The following KRT82 variants were observed in gnomAD, a reference collection of about 807,000 sequenced individuals.
KRT82 encodes keratin 82.
Under a neutral mutation model 48.0 loss-of-function variants are expected in KRT82, and 44 were observed. That is an observed-to-expected ratio of 0.92 (90% CI 0.72 to 1.18). The LOEUF (loss-of-function observed/expected upper bound fraction) is 1.18, where lower values mean the gene tolerates loss of function less well. KRT82 is among the 50% of genes most tolerant of loss of function. The probability of loss-of-function intolerance (pLI) is 0.00; values close to 1 mark genes in which losing one functional copy is unlikely to be tolerated. For synonymous variants in KRT82, 297 were observed against 278.3 expected, an observed-to-expected ratio of 1.07 and a Z score of -0.67; for missense variants, 701 against 671.4, an observed-to-expected ratio of 1.04 and a Z score of -0.49.
rs1339642177 is a variant in KRT82 at position 52,400,107 on chromosome 12, T to C, written c.820A>G (p.Ile274Val). Residue 274 changes from isoleucine (I) to valine (V), a missense_variant, in exon 5 of 9, where the codon ATT becomes GTT. Physicochemically the swap from Ile to Val is conservative, Grantham distance 29. Coordinates refer to ENST00000257974, the MANE Select transcript of KRT82 (RefSeq NM_033033.4). ...LQSQISETSV[I>V]VKMDNSRELD... ...TCCCGGCTGTTGTCCATCTTCACAATGACCGAGGTCTCAGAGATCTGAGAC... is the reference window on the plus strand; with the variant it reads ...TCCCGGCTGTTGTCCATCTTCACAACGACCGAGGTCTCAGAGATCTGAGAC... 3.1e-6 allele frequency: 5 copies of C among 1,613,992 alleles called. No homozygotes were observed. The highest frequency in any genetic ancestry group is 1.3e-5 in the African/African-American group (1 of 74,936).
chr12:52,400,763 A>G (rs2121477270), intron 3 of KRT82, 141 bp from the exon 4 acceptor site: 4 of 617,386 alleles, frequency 6.5e-6, no homozygotes, highest in East Asian at 5.6e-5. Flanking sequence ...GTGGGGAAAA[A>G]GGGGTCCCTA....
In KRT82 at chr12:52,401,336, G is replaced by A. The variant is rs372447562; in HGVS notation, c.634C>T (p.Leu212Phe). 361 of 1,614,050 alleles carry A rather than the reference G, an allele frequency of 2.2e-4. No individual in the cohort carries two copies. The highest frequency in any genetic ancestry group is 3.9e-4 in the African/African-American group (29 of 75,018). The change falls in exon 3 of 9, where the codon CTC becomes TTC. Residue 212 changes from leucine to phenylalanine, a missense_variant. Coordinates refer to ENST00000257974, the MANE Select transcript of KRT82 (RefSeq NM_033033.4). Reference sequence around the variant, plus strand: ...TTCTCAACACAGGGACGCAGGGAGAGCTCCTCTTCGTATCTGATGGAAAAG... The same window carrying A: ...TTCTCAACACAGGGACGCAGGGAGAACTCCTCTTCGTATCTGATGGAAAAG... ...EGYKKKYEEELSLRPCVENEF... is the reference protein window; with the variant it reads ...EGYKKKYEEEFSLRPCVENEF...
intron 2 of KRT82, among the ~76,000 whole-genome samples, chr12:52,401,803 G>A (rs12311316): frequency 0.23 from 34,566 of 152,014 alleles, 4,427 homozygotes; most frequent in Admixed American, 0.32. Flanking sequence ...TGCAGAGGTA[G>A]CAATTATCCA....
chr12:52,400,501 C>T (rs1479351944), intron 4 of KRT82, 26 bp downstream of exon 4: 1 of 1,564,656 alleles, frequency 6.4e-7, no homozygotes, highest in Non-Finnish European at 8.8e-7. Flanking sequence ...CCCTGACTAA[C>T]CACCCAAGGT....
At chr12:52,399,925 C>T (rs1939763266) in intron 5 of KRT82, 60 bp downstream of exon 5, 1 of 1,554,922 alleles carries the variant, frequency 6.4e-7, no homozygotes. Context: ...GTCTGGGGGT[C>T]CTCCCCTCCC....
chr12:52,404,164 G>C (rs1370176537), intron 1 of KRT82, among the ~76,000 whole-genome samples: 1 of 152,176 alleles, frequency 6.6e-6, no homozygotes, highest in African/African-American at 2.4e-5. Flanking sequence ...ACTTCTCCAA[G>C]AGGCCTAGGC....
intron 6 of KRT82, 38 bp downstream of exon 6, chr12:52,396,845 G>A (rs959389326): frequency 3.2e-5 from 51 of 1,611,562 alleles, no homozygotes; most frequent in African/African-American, 4.0e-5. Flanking sequence ...GTCAGCCCAG[G>A]ATGGCTGTTG....
chr12:52,397,138 T>A, intron 5 of KRT82, 130 bp from the exon 6 acceptor site: 1 of 1,192,576 alleles, frequency 8.4e-7, no homozygotes, highest in East Asian at 2.4e-5. Context: ...ATACTGGTTC[T>A]GCTCCTTTAC....
At chr12:52,403,114 G>T (rs980657157) in intron 2 of KRT82, among the ~76,000 whole-genome samples, 3 of 152,182 alleles carry the variant, frequency 2.0e-5, no homozygotes, top group African/African-American at 7.2e-5. Flanking sequence ...TCATCCTCAG[G>T]GGGAGCAAGT....
chr12:52,405,139 T>C (rs1420076499), intron 1 of KRT82, among the ~76,000 whole-genome samples: 2 of 152,148 alleles, frequency 1.3e-5, no homozygotes, highest in African/African-American at 4.8e-5. Context: ...TTTCCTGCAG[T>C]GGGTGCTGTA....
Position 52,395,775 on chromosome 12 carries a change from G to T in KRT82, c.1305C>A (p.Ile435=). Residue 435 remains isoleucine (I), a synonymous_variant, in exon 8 of 9, where the codon ATC becomes ATA. Coordinates refer to ENST00000257974, the MANE Select transcript of KRT82 (RefSeq NM_033033.4). ...EGEEHRLCEG[I]GPVNISVSSS... is the part of the protein sequence containing the mutation. ...TCTACTTACAGATATTCACGGGCCC[G>T]ATGCCTTCGCACAGCCTGGGGATGA... The T allele has an allele frequency of 6.4e-7, 1 of 1,553,302 alleles. No homozygotes were observed. The highest frequency in any genetic ancestry group is 8.7e-7 in the Non-Finnish European group (1 of 1,153,870).
At chr12:52,400,206 G>A (rs1041580291) in intron 4 of KRT82, 57 bp from the exon 5 acceptor site, 1 of 1,551,650 alleles carries the variant, frequency 6.4e-7, no homozygotes, top group African/African-American at 1.4e-5. Context: ...GGGGACAGGA[G>A]AAGGGGAGAA....
At chr12:52,401,575 C>A (rs950606174) in intron 2 of KRT82, among the ~76,000 whole-genome samples, 1 of 152,136 alleles carries the variant, frequency 6.6e-6, no homozygotes, top group East Asian at 1.9e-4. Flanking sequence ...AACCTTCTCC[C>A]GCGATGAGTC....
At chr12:52,396,787 G>T in intron 6 of KRT82, 96 bp downstream of exon 6, 2 of 1,367,772 alleles carry the variant, frequency 1.5e-6, no homozygotes, top group Non-Finnish European at 2.0e-6. Flanking sequence ...CTCTTCAATG[G>T]CACTCACAGC....
intron 7 of KRT82, 78 bp from the exon 8 acceptor site, chr12:52,395,868 C>T (rs1939705587): frequency 6.8e-7 from 1 of 1,471,748 alleles, no homozygotes; most frequent in South Asian, 1.3e-5. Context: ...CCGCTCCCGC[C>T]CTCATTGTGG....
chr12:52,404,328 G>T (rs920158241), intron 1 of KRT82, among the ~76,000 whole-genome samples: 1 of 152,334 alleles, frequency 6.6e-6, no homozygotes, highest in African/African-American at 2.4e-5. Flanking sequence ...AGTGTCAGAG[G>T]ATGTGAAGCT....
chr12:52,404,846 C>G (rs1312835664), intron 1 of KRT82, among the ~76,000 whole-genome samples: 1 of 152,204 alleles, frequency 6.6e-6, no homozygotes, highest in Non-Finnish European at 1.5e-5. Context: ...ATTACCTCCT[C>G]TAATCTCCCA....
intron 2 of KRT82, 121 bp from the exon 3 acceptor site, chr12:52,401,470 A>T (rs1479148514): frequency 1.1e-6 from 1 of 912,684 alleles, no homozygotes; most frequent in Admixed American, 2.0e-5. Flanking sequence ...GGGAGTGCCC[A>T]GGTCCAGCCC....
rs2121488135 is a variant in KRT82 at position 52,406,148 on chromosome 12, T to C, written c.130A>G (p.Arg44Gly). 1 of 1,613,152 alleles carries C rather than the reference T, an allele frequency of 6.2e-7. No individual in the cohort carries two copies. Among genetic ancestry groups the C allele is most frequent in the Non-Finnish European group, 8.5e-7 (1 of 1,179,864 alleles). Residue 44 changes from arginine (R) to glycine (G), a missense_variant, in exon 1 of 9, where the codon AGG (arginine) becomes GGG (glycine). Transcript: ENST00000257974. ...AGGCAGCCCAGAGCTCGGAGGCCCC[T>C]ACCACCCCCGGGCCGGCATGGCCCC... is the stretch of plus-strand genomic sequence containing the variant. ...SKGPCRPGGG[R>G]GLRALGCLGS...
Sources: gnomAD v4.1 joint callset for allele counts (sites outside exome capture counted in the v4.1 genomes callset) on GRCh38, gnomAD v4.1.1 for gene constraint, MANE v1.5 for transcripts, NCBI Gene and HGNC (gene_info 2026-07-23, HGNC 2026-07-21) for gene names.